The following DPP6 variants were observed in gnomAD, a reference collection of about 807,000 sequenced individuals.
DPP6 encodes the protein A-type potassium channel modulatory protein DPP6.
A neutral mutation model predicts 122.6 loss-of-function variants in DPP6; 69 were observed. The observed-to-expected ratio is 0.56, with a 90% CI of 0.46 to 0.69. The LOEUF is 0.69. Ranked by LOEUF, DPP6 falls within the 30% of genes least tolerant of loss-of-function variation. DPP6 has a pLI of 0.00. For missense variants in DPP6, 928 were observed against 1,116.9 expected, an observed-to-expected ratio of 0.83 and a Z score of 2.41; for synonymous variants, 418 against 433.1, an observed-to-expected ratio of 0.97 and a Z score of 0.43.
intron 22 of DPP6, among the ~76,000 whole-genome samples, chr7:154,886,816 TG>T: frequency 6.6e-6 from 1 of 152,286 alleles, no homozygotes; most frequent in Admixed American, 6.5e-5. Context: ...GGGACCACGG[TG>T]GGCCCAGCAG....
chr7:153,982,433 T>C (rs1303124502), intron 1 of DPP6, among the ~76,000 whole-genome samples: 1 of 152,050 alleles, frequency 6.6e-6, no homozygotes, highest in Non-Finnish European at 1.5e-5. Flanking sequence ...TTATTCTAGT[T>C]AGCAGTTCCT....
chr7:153,760,124 T>G, the DPP6 span, among the ~76,000 whole-genome samples: 2 of 152,212 alleles, frequency 1.3e-5, no homozygotes, highest in Non-Finnish European at 2.9e-5. Context: ...CTGGGTTTTA[T>G]TTTGGATTAT....
intron 10 of DPP6, among the ~76,000 whole-genome samples, chr7:154,774,241 G>A (rs1247757610): frequency 6.6e-6 from 1 of 152,092 alleles, no homozygotes; most frequent in Non-Finnish European, 1.5e-5. Flanking sequence ...GGTTTGGAGA[G>A]TTGAATTGAT....
chr7:154,603,502 A>G lies in DPP6; in HGVS notation c.628-34319A>G, dbSNP rs1410759578. Among the ~76,000 whole-genome samples, 2 of 114,676 alleles carry G rather than the reference A, an allele frequency of 1.7e-5. 1 individual carries two copies. Among genetic ancestry groups the G allele is most frequent in the Middle Eastern group, 8.3e-3 (2 of 240 alleles). 75.2% of individuals were successfully genotyped at this position (114,676 alleles called of 152,430 possible). A position where few individuals can be genotyped will look rare whatever the true frequency, so the allele number is the denominator to read the frequency against. Reference sequence around the variant, plus strand: ...GCCAATGTGGTGAAACCCCATCTCTACTAAAAATACAACAAAAATTAGCCG... The same window carrying G: ...GCCAATGTGGTGAAACCCCATCTCTGCTAAAAATACAACAAAAATTAGCCG... On this transcript the variant is annotated intron_variant, in intron 5 of 25. Coordinates refer to ENST00000377770, the MANE Select transcript of DPP6 (RefSeq NM_130797.4).
intron 1 of DPP6, among the ~76,000 whole-genome samples, chr7:154,367,713 CAG>C (rs768626495): frequency 4.6e-5 from 7 of 152,176 alleles, no homozygotes; most frequent in Non-Finnish European, 1.0e-4. Flanking sequence ...AATTAGAAAT[CAG>C]AGTGTGTAGC....
At position 153,890,084 on chromosome 7, in the gene DPP6, A is replaced by G. The variant is rs376941375; in HGVS notation, c.51+2350A>G. On this transcript the variant is annotated intron_variant, in intron 1 of 25. Coordinates refer to the DPP6 transcript ENST00000404039. ...ACAACTTGATTGAAATTCAGGTGATATTTTACATTCAAGATGAGGACTGAA... is the reference window on the plus strand; with the variant it reads ...ACAACTTGATTGAAATTCAGGTGATGTTTTACATTCAAGATGAGGACTGAA... Among the ~76,000 whole-genome samples the G allele has an allele frequency of 1.3e-5, 2 of 152,184 alleles. 1 individual carries two copies. The highest frequency in any genetic ancestry group is 1.3e-4 in the Admixed American group (2 of 15,274).
chr7:154,274,117 T>C (rs544000370), intron 1 of DPP6, among the ~76,000 whole-genome samples: 115 of 152,320 alleles, frequency 7.5e-4, no homozygotes, highest in Middle Eastern at 3.4e-3. Flanking sequence ...AGAGGAGTCC[T>C]GAGAAATTGA....
intron 1 of DPP6, among the ~76,000 whole-genome samples, chr7:153,917,300 G>A (rs1800369197): frequency 6.6e-6 from 1 of 152,212 alleles, no homozygotes; most frequent in Admixed American, 6.5e-5. Context: ...ATATATTCTG[G>A]GAGCAGAGGC....
chr7:154,478,950 T>TTTTG (rs74495057), intron 3 of DPP6, among the ~76,000 whole-genome samples: 35,613 of 150,600 alleles, frequency 0.24, 5,104 homozygotes, highest in African/African-American at 0.42. Flanking sequence ...TGATTTTGTT[T>TTTTG]TTTGTTTGTT....
chr7:154,242,919 G>T lies in DPP6; in HGVS notation c.243+189856G>T, dbSNP rs1233189830. On this transcript the variant is annotated intron_variant, in intron 1 of 25. Transcript: ENST00000377770. ...TTATTGCTATGCACCACCAGGAGAT[G>T]CTGGAGCTCCAGCTCAGCCAGAATG... 2.0e-5 allele frequency among the ~76,000 whole-genome samples: 3 copies of T among 152,220 alleles called. No homozygotes were observed. The East Asian group carries it at 5.8e-4, about 29-fold the overall frequency.
At position 154,505,181 on chromosome 7, in the gene DPP6, G is replaced by A. The variant is rs78744849; in HGVS notation, c.457+30144G>A. Among the ~76,000 whole-genome samples, 817 of 152,250 alleles carry A rather than the reference G, an allele frequency of 5.4e-3. 4 individuals are homozygous for A. The highest frequency in any genetic ancestry group is 8.2e-3 in the Non-Finnish European group (560 of 68,014). On this transcript the variant is annotated intron_variant, in intron 3 of 25. Coordinates refer to ENST00000377770, the MANE Select transcript of DPP6 (RefSeq NM_130797.4). The stretch of plus-strand genomic sequence containing the variant: ...GCAGGATCCCCTGTAGTCTGGCACA[G>A]ACCTCTCAGCCCATACTAATCCTTG...
chr7:154,563,169 G>C (rs1830535309), intron 4 of DPP6, among the ~76,000 whole-genome samples: 3 of 152,214 alleles, frequency 2.0e-5, no homozygotes, highest in Admixed American at 2.0e-4. Context: ...AAAAGCCAAA[G>C]AAATGAAAGG....
intron 1 of DPP6, among the ~76,000 whole-genome samples, chr7:154,017,008 A>G (rs1798448894): frequency 6.6e-6 from 1 of 152,232 alleles, no homozygotes; most frequent in South Asian, 2.1e-4. Flanking sequence ...GTGGGTACAA[A>G]CGTGCAGTTA....
At chr7:154,731,525 A>G (rs1488930) in intron 8 of DPP6, among the ~76,000 whole-genome samples, 29,669 of 152,194 alleles carry the variant, frequency 0.19, 3,098 homozygotes, top group Admixed American at 0.23. Flanking sequence ...CCCACATGCC[A>G]GAATGTGAGC....
intron 1 of DPP6, among the ~76,000 whole-genome samples, chr7:153,990,265 CTTGCTGAACAGTCCCGCCCCTG>C (rs1797106332): frequency 1.1e-5 from 1 of 89,238 alleles, no homozygotes; most frequent in African/African-American, 5.8e-5. Context: ...TGCTTCCAGC[CTTGCTGAACAGTCCCGCCCCTG>C]CCACCCACAT....
intron 3 of DPP6, among the ~76,000 whole-genome samples, chr7:154,524,768 C>T (rs905748648): frequency 1.1e-4 from 17 of 152,022 alleles, no homozygotes; most frequent in South Asian, 2.1e-4. Context: ...AGAAAAGGCC[C>T]GGAAAAATTA....
intron 3 of DPP6, among the ~76,000 whole-genome samples, chr7:154,538,597 T>A (rs1239520434): frequency 6.6e-6 from 1 of 152,190 alleles, no homozygotes; most frequent in Non-Finnish European, 1.5e-5. Flanking sequence ...AACTTGATAT[T>A]TAGAAATTCA....
the DPP6 span, among the ~76,000 whole-genome samples, chr7:153,808,979 T>A: frequency 2.6e-5 from 4 of 152,030 alleles, no homozygotes; most frequent in African/African-American, 9.7e-5. Flanking sequence ...CCATACTACT[T>A]TCCATAATGA....
chr7:153,982,409 C>T (rs1585127970), intron 1 of DPP6, among the ~76,000 whole-genome samples: 1 of 151,860 alleles, frequency 6.6e-6, no homozygotes, highest in African/African-American at 2.4e-5. Flanking sequence ...CATTTATGTT[C>T]TTCTCTAAAC....
Sources: gnomAD v4.1 joint callset for allele counts (sites outside exome capture counted in the v4.1 genomes callset) on GRCh38, gnomAD v4.1.1 for gene constraint, MANE v1.5 for transcripts, NCBI Gene and HGNC (gene_info 2026-07-23, HGNC 2026-07-21) for gene names.